Variants in WWOX observed in about 807,000 individuals in gnomAD.
WWOX encodes WW domain containing oxidoreductase.
A neutral mutation model predicts 46.2 loss-of-function variants in WWOX; 69 were observed. The observed-to-expected ratio is 1.49, with a 90% CI of 1.23 to 1.82. The LOEUF is 1.82. Among genes scored for constraint, WWOX ranks in the 40% most tolerant of loss-of-function variants. The probability of loss-of-function intolerance (pLI) is 0.00; values close to 1 mark genes in which losing one functional copy is unlikely to be tolerated. For synonymous variants in WWOX, 359 were observed against 202.6 expected, an observed-to-expected ratio of 1.77 and a Z score of -6.56; for missense variants, 919 against 542.6, an observed-to-expected ratio of 1.69 and a Z score of -6.89.
At chr16:78,465,124 C>A (rs1306742970) in intron 8 of WWOX, among the ~76,000 whole-genome samples, 4 of 152,156 alleles carry the variant, frequency 2.6e-5, no homozygotes, top group Admixed American at 2.6e-4. Flanking sequence ...GACTCAGTTA[C>A]CTCCCACTGG....
At chr16:79,202,694 C>G (rs1020804528) in intron 8 of WWOX, 2 of 152,148 alleles carry the variant, frequency 1.3e-5, no homozygotes, top group African/African-American at 4.8e-5. Context: ...TGTTAACAAA[C>G]GAGTTCAAGT....
intron 8 of WWOX, among the ~76,000 whole-genome samples, chr16:78,839,777 G>T (rs965104053): frequency 1.3e-5 from 2 of 152,102 alleles, no homozygotes; most frequent in East Asian, 1.9e-4. Context: ...ACTGAGGAAT[G>T]GGTTAGGAGA....
chr16:78,999,373 G>A (rs1355007482), intron 8 of WWOX, among the ~76,000 whole-genome samples: 2 of 152,146 alleles, frequency 1.3e-5, no homozygotes, highest in Non-Finnish European at 2.9e-5. Flanking sequence ...GAGAGGCTGA[G>A]GCAGGAGAAT....
intron 5 of WWOX, among the ~76,000 whole-genome samples, chr16:78,203,624 T>G (rs2036302266): frequency 6.6e-6 from 1 of 152,088 alleles, no homozygotes; most frequent in Non-Finnish European, 1.5e-5. Context: ...GATCAAGAGA[T>G]GTCAGTTAAC....
rs184026669 is a variant in WWOX at position 78,115,664 on chromosome 16, A to G, written c.409+510A>G. Among the ~76,000 whole-genome samples the G allele has an allele frequency of 1.1e-4, 17 of 152,290 alleles. No individual in the cohort carries two copies. In the East Asian group the frequency reaches 1.2e-3, roughly 10 times the overall value. Reference sequence around the variant, plus strand: ...TCCTGTCTTCACCTCTTAATTGCCAATGTTTACCCACAGGGACTATCATGG... The same window carrying G: ...TCCTGTCTTCACCTCTTAATTGCCAGTGTTTACCCACAGGGACTATCATGG... On this transcript the variant is annotated intron_variant, in intron 4 of 8. Coordinates refer to ENST00000566780, the MANE Select transcript of WWOX (RefSeq NM_016373.4).
chr16:78,701,070 G>T lies in WWOX; in HGVS notation c.1056+268318G>T, dbSNP rs570025341. Reference sequence around the variant, plus strand: ...CTTGGGCACGTTTTTCAACCTCTCTGTGCTTAATCTTCTCCTCTTTAAAGG... The same window carrying T: ...CTTGGGCACGTTTTTCAACCTCTCTTTGCTTAATCTTCTCCTCTTTAAAGG... On this transcript the variant is annotated intron_variant, in intron 8 of 8. Transcript: ENST00000566780. 9.0e-4 allele frequency among the ~76,000 whole-genome samples: 137 copies of T among 152,216 alleles called. 1 individual carries two copies. The highest frequency in any genetic ancestry group is 3.1e-3 in the African/African-American group (129 of 41,530).
chr16:78,451,162 C>G (rs999813240), intron 8 of WWOX, among the ~76,000 whole-genome samples: 26 of 152,130 alleles, frequency 1.7e-4, no homozygotes, highest in African/African-American at 5.8e-4. Context: ...CCGATTTCAT[C>G]CAAAGCCATT....
rs562131026 is a variant in WWOX, at chr16:78,842,396, G to C, written c.1057-369212G>C. Among the ~76,000 whole-genome samples the C allele has an allele frequency of 8.6e-5, 13 of 152,040 alleles. 1 individual carries two copies. The highest frequency in any genetic ancestry group is 7.2e-4 in the Admixed American group (11 of 15,270). ...TGCACACCTGTAGGCTGAGCTGCTC[G>C]GGAGGCCAAGATGGGAGAATTGCTT... On this transcript the variant is annotated intron_variant, in intron 8 of 8. Coordinates refer to ENST00000566780, the MANE Select transcript of WWOX (RefSeq NM_016373.4).
intron 8 of WWOX, among the ~76,000 whole-genome samples, chr16:78,942,567 A>T (rs970675311): frequency 6.6e-6 from 1 of 151,648 alleles, no homozygotes; most frequent in Non-Finnish European, 1.5e-5. Flanking sequence ...ACCAGAATAC[A>T]TTATTTCAGA....
At chr16:78,271,505 C>T (rs1259172350) in intron 5 of WWOX, among the ~76,000 whole-genome samples, 1 of 152,210 alleles carries the variant, frequency 6.6e-6, no homozygotes. Context: ...GAGAGCTTCA[C>T]AGCTCAGAAT....
At chr16:78,758,583 C>T in intron 8 of WWOX, among the ~76,000 whole-genome samples, 1 of 152,206 alleles carries the variant, frequency 6.6e-6, no homozygotes, top group East Asian at 1.9e-4. Flanking sequence ...CTCTGCATGG[C>T]AGAAACTATC....
intron 8 of WWOX, among the ~76,000 whole-genome samples, chr16:79,084,465 G>C (rs1447181353): frequency 3.3e-5 from 5 of 152,234 alleles, no homozygotes; most frequent in African/African-American, 1.2e-4. Context: ...CTGTTGCCCA[G>C]GGTAGAGTGC....
At chr16:78,177,334 C>T (rs1391227682) in intron 5 of WWOX, among the ~76,000 whole-genome samples, 4 of 152,136 alleles carry the variant, frequency 2.6e-5, no homozygotes, top group African/African-American at 4.8e-5. Context: ...GAGTGGGTGA[C>T]ACAAGATAGT....
intron 8 of WWOX, among the ~76,000 whole-genome samples, chr16:78,548,548 G>C (rs575649996): frequency 1.3e-5 from 2 of 152,268 alleles, no homozygotes; most frequent in African/African-American, 4.8e-5. Context: ...CTCATTGGAT[G>C]AATCATATTT....
At chr16:78,935,029 A>T (rs1450607650) in intron 8 of WWOX, among the ~76,000 whole-genome samples, 1 of 152,210 alleles carries the variant, frequency 6.6e-6, no homozygotes, top group African/African-American at 2.4e-5. Flanking sequence ...GCCCTCAGAG[A>T]CATGCAAATC....
At chr16:79,074,755 C>T (rs1227888413) in intron 8 of WWOX, among the ~76,000 whole-genome samples, 2 of 151,978 alleles carry the variant, frequency 1.3e-5, no homozygotes, top group African/African-American at 4.8e-5. Context: ...GCCTAACTCC[C>T]CCAGCTCAGA....
chr16:78,284,928 C>G (rs2079742006), intron 5 of WWOX, among the ~76,000 whole-genome samples: 1 of 152,162 alleles, frequency 6.6e-6, no homozygotes. Context: ...TATTTAACAA[C>G]TAGCAAAATG....
chr16:79,165,324 G>C (rs548999007), intron 8 of WWOX, among the ~76,000 whole-genome samples: 1 of 152,278 alleles, frequency 6.6e-6, no homozygotes, highest in African/African-American at 2.4e-5. Flanking sequence ...ATGTTACAGA[G>C]GGAAACTTGC....
At chr16:78,231,535 T>C (rs1009866893) in intron 5 of WWOX, among the ~76,000 whole-genome samples, 1 of 152,202 alleles carries the variant, frequency 6.6e-6, no homozygotes, top group Non-Finnish European at 1.5e-5. Context: ...AGTTAATCTG[T>C]TCAATAAACT....
Sources: gnomAD v4.1 joint callset for allele counts (sites outside exome capture counted in the v4.1 genomes callset) on GRCh38, gnomAD v4.1.1 for gene constraint, MANE v1.5 for transcripts, NCBI Gene and HGNC (gene_info 2026-07-23, HGNC 2026-07-21) for gene names.